Variants in ANK3 observed in about 807,000 individuals in gnomAD.
ANK3 encodes ankyrin 3, also known as ankyrin-3.
Under a neutral mutation model 370.9 loss-of-function variants are expected in ANK3, and 57 were observed. That is an observed-to-expected ratio of 0.15 (90% CI 0.12 to 0.19). ANK3 has a LOEUF of 0.19. Ranked by LOEUF, ANK3 falls within the 10% of genes least tolerant of loss-of-function variation. The pLI is 1.00. For missense variants in ANK3, 4,439 were observed against 5,302.1 expected (o/e 0.84, Z 5.06); for synonymous variants, 1,929 against 1,946.3 (o/e 0.99, Z 0.23).
chr10:60,586,941 A>G (rs1048310234), intron 2 of ANK3, among the ~76,000 whole-genome samples: 3 of 152,212 alleles, frequency 2.0e-5, no homozygotes, highest in Admixed American at 2.0e-4. Context: ...ACTGTCTGCC[A>G]ATATATTAGA....
chr10:60,345,301 T>A (rs1048297086), intron 1 of ANK3, among the ~76,000 whole-genome samples: 3 of 152,202 alleles, frequency 2.0e-5, no homozygotes, highest in African/African-American at 7.2e-5. Context: ...ATTTCGTGCA[T>A]GTGTGTATGT....
intron 2 of ANK3, among the ~76,000 whole-genome samples, chr10:60,485,338 A>T (rs1168953909): frequency 6.6e-6 from 1 of 152,182 alleles, no homozygotes; most frequent in Non-Finnish European, 1.5e-5. Context: ...AGTCCTACTG[A>T]TGGAACAGCA....
At chr10:60,090,269 G>C (rs2087917635) in intron 28 of ANK3, among the ~76,000 whole-genome samples, 1 of 151,810 alleles carries the variant, frequency 6.6e-6, no homozygotes, top group Non-Finnish European at 1.5e-5. Flanking sequence ...AGTGAGCCGA[G>C]ATCACGCCAC....
intron 2 of ANK3, among the ~76,000 whole-genome samples, chr10:60,568,479 A>T (rs967312337): frequency 6.6e-6 from 1 of 152,344 alleles, no homozygotes; most frequent in African/African-American, 2.4e-5. Context: ...AAACCAAAAA[A>T]TGTGCATGAC....
chr10:60,094,616 C>A (rs1032299874), intron 28 of ANK3, among the ~76,000 whole-genome samples: 3 of 151,950 alleles, frequency 2.0e-5, no homozygotes, highest in African/African-American at 7.3e-5. Flanking sequence ...CTTAAATATT[C>A]TTTTGTAAAG....
At chr10:60,154,428 T>C (rs1242974316) in intron 23 of ANK3, among the ~76,000 whole-genome samples, 1 of 152,222 alleles carries the variant, frequency 6.6e-6, no homozygotes, top group Non-Finnish European at 1.5e-5. Context: ...GGTGGTCTTC[T>C]TCAGATCTAC....
At chr10:60,514,995 A>G (rs1023498705) in intron 2 of ANK3, among the ~76,000 whole-genome samples, 1 of 152,122 alleles carries the variant, frequency 6.6e-6, no homozygotes, top group African/African-American at 2.4e-5. Flanking sequence ...AAAATATACT[A>G]TTGCCAAAAT....
At chr10:60,270,694 A>G (rs1454373680) in intron 4 of ANK3, among the ~76,000 whole-genome samples, 1 of 152,210 alleles carries the variant, frequency 6.6e-6, no homozygotes, top group Non-Finnish European at 1.5e-5. Context: ...TATCTGAACT[A>G]GTTTTGACTA....
chr10:60,324,218 T>C (rs1253400718), intron 1 of ANK3, among the ~76,000 whole-genome samples: 1 of 152,226 alleles, frequency 6.6e-6, no homozygotes, highest in Non-Finnish European at 1.5e-5. Flanking sequence ...CTCATGTACA[T>C]GTCGAGAATA....
intron 28 of ANK3, among the ~76,000 whole-genome samples, chr10:60,100,889 G>A (rs1456606325): frequency 6.6e-6 from 1 of 151,826 alleles, no homozygotes; most frequent in Admixed American, 6.6e-5. Context: ...ATGTAAACTG[G>A]GTATGTAATT....
At chr10:60,319,844 T>G (rs887697690) in intron 1 of ANK3, among the ~76,000 whole-genome samples, 2 of 152,210 alleles carry the variant, frequency 1.3e-5, no homozygotes, top group Non-Finnish European at 2.9e-5. Context: ...TCACCACTGA[T>G]TATGACTACT....
intron 7 of ANK3, among the ~76,000 whole-genome samples, chr10:60,237,039 C>A (rs559549232): frequency 1.3e-5 from 2 of 152,238 alleles, no homozygotes; most frequent in Admixed American, 1.3e-4. Flanking sequence ...TGCTCCAGAC[C>A]TACCAGCTTG....
At chr10:60,488,460 T>C (rs1243401400) in intron 2 of ANK3, among the ~76,000 whole-genome samples, 1 of 152,216 alleles carries the variant, frequency 6.6e-6, no homozygotes, top group African/African-American at 2.4e-5. Flanking sequence ...AGTGTAAATT[T>C]CAATAGTTTT....
At chr10:60,164,502 A>C (rs2095573601) in intron 23 of ANK3, among the ~76,000 whole-genome samples, 1 of 151,982 alleles carries the variant, frequency 6.6e-6, no homozygotes, top group African/African-American at 2.4e-5. Context: ...GAAAAAAAAA[A>C]AAAACTAAAA....
At chr10:60,683,291 A>C (rs1238652342) in intron 1 of ANK3, among the ~76,000 whole-genome samples, 1 of 152,236 alleles carries the variant, frequency 6.6e-6, no homozygotes, top group East Asian at 1.9e-4. Context: ...TGGCCTTTAG[A>C]AATTATTCAA....
intron 2 of ANK3, among the ~76,000 whole-genome samples, chr10:60,582,664 T>A (rs1462208129): frequency 6.7e-6 from 1 of 148,712 alleles, no homozygotes; most frequent in Middle Eastern, 3.3e-3. Flanking sequence ...TTTTATATAA[T>A]ATATTATATA....
chr10:60,062,355 A>T (rs1339815478), intron 40 of ANK3: 1 of 152,202 alleles, frequency 6.6e-6, no homozygotes, highest in Admixed American at 6.5e-5. Flanking sequence ...GAAGATATTT[A>T]TTATGTTTTT....
At chr10:60,694,404 A>G (rs2079410093) in intron 1 of ANK3, among the ~76,000 whole-genome samples, 2 of 152,300 alleles carry the variant, frequency 1.3e-5, no homozygotes, top group South Asian at 4.1e-4. Context: ...TAACACCACA[A>G]AGATACTCCT....
At chr10:60,680,825 T>A (rs929081437) in intron 1 of ANK3, among the ~76,000 whole-genome samples, 1 of 152,146 alleles carries the variant, frequency 6.6e-6, no homozygotes, top group African/African-American at 2.4e-5. Context: ...TCTGGCTATG[T>A]GGGGAGGTTG....
Sources: allele counts gnomAD v4.1 joint callset (sites outside exome capture counted in the v4.1 genomes callset), GRCh38; gene constraint gnomAD v4.1.1; transcripts MANE v1.5; gene names NCBI Gene and HGNC (gene_info 2026-07-23, HGNC 2026-07-21).